Variants in DNAL4 observed in about 807,000 individuals in gnomAD.
The protein encoded by DNAL4 is dynein light chain, outer arm 4.
In DNAL4, 10 loss-of-function variants were observed where a neutral mutation model predicts 12.6. The ratio of observed to expected loss-of-function variants is 0.79; its 90% CI spans 0.49 to 1.34. DNAL4 has a LOEUF of 1.34. Ranked by LOEUF, DNAL4 falls within the 40% of genes most tolerant of loss-of-function variation. The pLI is 0.00. For missense variants in DNAL4, 128 were observed against 138.1 expected (o/e 0.93, Z 0.37); for synonymous variants, 46 against 53.1 (o/e 0.87, Z 0.58).
intron 1 of DNAL4, among the ~76,000 whole-genome samples, chr22:38,793,714 T>C (rs1383731275): frequency 6.6e-6 from 1 of 151,812 alleles, no homozygotes; most frequent in East Asian, 1.9e-4. Flanking sequence ...ACCTAGTTGA[T>C]GGCGACCCCG....
rs1398688890 is a variant in DNAL4 at position 38,778,822 on chromosome 22, C to T, written c.*627G>A. ...GCCCCTGGCTCTCAACTGTACGGGT[C>T]GAGGAGGGGACGGGAAAGGCTGCTT... On this transcript the variant is annotated 3_prime_UTR_variant, in exon 4 of 4. Coordinates refer to ENST00000216068, the MANE Select transcript of DNAL4 (RefSeq NM_005740.3). The T allele has an allele frequency of 1.3e-5, 2 of 152,456 alleles. No individual in the cohort carries two copies. The highest frequency in any genetic ancestry group is 6.5e-5 in the Admixed American group (1 of 15,276). The allele number at this position is 152,456 out of a possible 1,614,324, so 9.4% of individuals were successfully genotyped here.
At position 38,782,538 on chromosome 22, in the gene DNAL4, T is replaced by A. The variant is rs2093035850; in HGVS notation, c.69+125A>T. The A allele has an allele frequency of 2.2e-6, 2 of 892,556 alleles. No homozygotes were observed. 55.3% of individuals were successfully genotyped at this position (892,556 alleles called of 1,614,324 possible). A position where few individuals can be genotyped will look rare whatever the true frequency, so the allele number is the denominator to read the frequency against. On this transcript the variant is annotated intron_variant, in intron 2 of 3. Coordinates refer to ENST00000216068, the MANE Select transcript of DNAL4 (RefSeq NM_005740.3). This position sits in a 1 kb window ranked among gnomAD's most constrained non-coding sequence, Gnocchi z 5.1. ...CACTGTCAACTCCAAGATGTCTAGGTCTGAGCCAGCAGAGCCCTTCTTAAC... is the reference window on the plus strand; with the variant it reads ...CACTGTCAACTCCAAGATGTCTAGGACTGAGCCAGCAGAGCCCTTCTTAAC...
chr22:38,782,655 G>A lies in DNAL4; in HGVS notation c.69+8C>T. Reference sequence around the variant, plus strand: ...CCGGCAGTCCTGCCTCCCTCCCCTGGGGCTTACCCTGACCAGAGGGAAGGT... The same window carrying A: ...CCGGCAGTCCTGCCTCCCTCCCCTGAGGCTTACCCTGACCAGAGGGAAGGT... On this transcript the variant is annotated splice_region_variant and intron_variant, in intron 2 of 3. Coordinates refer to ENST00000216068, the MANE Select transcript of DNAL4 (RefSeq NM_005740.3). The surrounding 1 kb of genome is among the most constrained non-coding windows in gnomAD (Gnocchi z 5.1). 5 of 1,612,506 alleles carry A rather than the reference G, an allele frequency of 3.1e-6. No homozygotes were observed. Among genetic ancestry groups the A allele is most frequent in the Non-Finnish European group, 3.4e-6 (4 of 1,179,588 alleles).
chr22:38,783,281 CATACACGGGCCTTCCCTCCCACT>C (rs2093037140), intron 1 of DNAL4, among the ~76,000 whole-genome samples: 92 of 143,102 alleles, frequency 6.4e-4, no homozygotes, highest in East Asian at 1.4e-3. Context: ...CCTCCCACTA[CATACACGGGCCTTCCCTCCCACT>C]ACACACACGG....
intron 1 of DNAL4, among the ~76,000 whole-genome samples, chr22:38,792,169 G>A (rs1021306247): frequency 6.6e-6 from 1 of 151,644 alleles, no homozygotes; most frequent in Non-Finnish European, 1.5e-5. Flanking sequence ...TGACTCTTTC[G>A]TAGTAACACT....
At chr22:38,792,216 A>C (rs1253510359) in intron 1 of DNAL4, among the ~76,000 whole-genome samples, 1 of 151,922 alleles carries the variant, frequency 6.6e-6, no homozygotes, top group African/African-American at 2.4e-5. Context: ...AGCTATACAA[A>C]AATATTTTCT....
intron 1 of DNAL4, among the ~76,000 whole-genome samples, chr22:38,788,314 TA>T (rs2093045426): frequency 1.3e-5 from 2 of 152,178 alleles, no homozygotes; most frequent in Admixed American, 6.5e-5. Context: ...CCTTAGAAGA[TA>T]CATCATCTAC....
chr22:38,790,890 G>A (rs1258200148), intron 1 of DNAL4, among the ~76,000 whole-genome samples: 1 of 152,178 alleles, frequency 6.6e-6, no homozygotes. Flanking sequence ...ACAGTTGGCC[G>A]GGTGCGGTGG....
At chr22:38,780,710 T>C (rs1455831544) in intron 3 of DNAL4, 1 of 542,334 alleles carries the variant, frequency 1.8e-6, no homozygotes, top group Non-Finnish European at 3.3e-6. Context: ...GAGACCCCTG[T>C]GGCTTTGCTC....
At chr22:38,780,144 A>C (rs975618622) in intron 3 of DNAL4, among the ~76,000 whole-genome samples, 1 of 152,086 alleles carries the variant, frequency 6.6e-6, no homozygotes, top group African/African-American at 2.4e-5. Context: ...GGAGGTCTAG[A>C]GGGGCAGGGA....
At chr22:38,780,372 G>T (rs2093032470) in intron 3 of DNAL4, among the ~76,000 whole-genome samples, 1 of 152,234 alleles carries the variant, frequency 6.6e-6, no homozygotes, top group East Asian at 1.9e-4. Flanking sequence ...GTACAGCTGG[G>T]AAGGGCTGAA....
intron 3 of DNAL4, chr22:38,780,606 G>A: frequency 5.6e-6 from 2 of 359,224 alleles, no homozygotes; most frequent in Admixed American, 4.3e-5. Context: ...GGATGCCTGG[G>A]CAGGCCTCTG....
rs770539064 is a variant in DNAL4, at chr22:38,781,022, C to T, written c.70-13G>A. ...GCATGTCCGAGTGCTAGAGACAGGG[C>T]AGGGGTAACAAACAAGAGACAGGCT... On this transcript the variant is annotated splice_polypyrimidine_tract_variant and intron_variant, in intron 2 of 3. Coordinates refer to ENST00000216068, the MANE Select transcript of DNAL4 (RefSeq NM_005740.3). 2 of 1,613,886 alleles carry T rather than the reference C, an allele frequency of 1.2e-6. No individual in the cohort carries two copies. The highest frequency in any genetic ancestry group is 1.7e-6 in the Non-Finnish European group (2 of 1,179,888).
chr22:38,783,355 A>ACATACGCGGGCCTTCCCTCCCACTG lies in DNAL4; in HGVS notation c.-139-510_-139-486dup, dbSNP rs1569317555. Among the ~76,000 whole-genome samples the ACATACGCGGGCCTTCCCTCCCACTG allele has an allele frequency of 3.4e-5, 5 of 148,132 alleles. No individual in the cohort carries two copies. In the East Asian group the frequency reaches 5.9e-4, roughly 18 times the overall value. Reference sequence around the variant, plus strand: ...ACACACGCGGGCCTTCCCTCCCACTACATACGCGGGCCTTCCCTCCCACTG... The same window carrying ACATACGCGGGCCTTCCCTCCCACTG: ...ACACACGCGGGCCTTCCCTCCCACTACATACGCGGGCCTTCCCTCCCACTGCATACGCGGGCCTTCCCTCCCACTG... On this transcript the variant is annotated intron_variant, in intron 1 of 3. Coordinates refer to ENST00000216068, the MANE Select transcript of DNAL4 (RefSeq NM_005740.3).
At chr22:38,791,102 G>C (rs1035467805) in intron 1 of DNAL4, among the ~76,000 whole-genome samples, 2 of 151,660 alleles carry the variant, frequency 1.3e-5, no homozygotes, top group African/African-American at 2.4e-5. Flanking sequence ...GGGAGGCGGA[G>C]GTTGCAGTGA....
chr22:38,789,436 C>T (rs1228164365), intron 1 of DNAL4, among the ~76,000 whole-genome samples: 1 of 152,120 alleles, frequency 6.6e-6, no homozygotes, highest in Admixed American at 6.5e-5. Context: ...CCACCATACT[C>T]GGCTAATTTT....
chr22:38,791,653 A>C (rs749510728), intron 1 of DNAL4, among the ~76,000 whole-genome samples: 4 of 151,636 alleles, frequency 2.6e-5, no homozygotes, highest in African/African-American at 9.7e-5. Flanking sequence ...CAGCCTCCCA[A>C]AGTGCTGGGA....
chr22:38,779,591 T>G lies in DNAL4; in HGVS notation c.176A>C (p.Glu59Ala). Reference protein sequence around the residue: ...NNESAAKMIKETMDKKFGSSW... With the variant: ...NNESAAKMIKATMDKKFGSSW... ...GGAGCCGAACTTCTTGTCCATTGTC[T>G]CTTTGATCATCTTGGCGGCGCTCTG... Residue 59 changes from glutamate (E) to alanine (A), a missense_variant, in exon 4 of 4, where the codon GAG (glutamate) becomes GCG (alanine). By Grantham distance (107) the Glu-to-Ala change is moderately radical (BLOSUM62 -1). Coordinates refer to ENST00000216068, the MANE Select transcript of DNAL4 (RefSeq NM_005740.3). The surrounding 1 kb of genome is among the most constrained non-coding windows in gnomAD (Gnocchi z 4.3). The G allele has an allele frequency of 6.3e-7, 1 of 1,598,648 alleles. No individual in the cohort carries two copies. The highest frequency in any genetic ancestry group is 1.1e-5 in the South Asian group (1 of 88,550).
intron 1 of DNAL4, among the ~76,000 whole-genome samples, chr22:38,787,062 G>T (rs2146168051): frequency 6.6e-6 from 1 of 152,088 alleles, no homozygotes. Context: ...TTAGATCACG[G>T]CTCGCCTCCC....
Sources: allele counts gnomAD v4.1 joint callset (sites outside exome capture counted in the v4.1 genomes callset), GRCh38; gene constraint gnomAD v4.1.1; non-coding constraint Gnocchi (gnomAD v3.1); transcripts MANE v1.5; gene names NCBI Gene and HGNC (gene_info 2026-07-23, HGNC 2026-07-21).